The following SEMA6D variants were observed in gnomAD, a reference collection of about 807,000 sequenced individuals.
SEMA6D encodes semaphorin 6D.
In SEMA6D, 35 loss-of-function variants were observed where a neutral mutation model predicts 106.6. The observed-to-expected ratio is 0.33, with a 90% CI of 0.25 to 0.44. The LOEUF (loss-of-function observed/expected upper bound fraction) is 0.44. Among genes scored for constraint, SEMA6D ranks in the 20% least tolerant of loss-of-function variants. SEMA6D has a pLI of 1.00. For synonymous variants in SEMA6D, 499 were observed against 487.7 expected, an observed-to-expected ratio of 1.02 and a Z score of -0.31; for missense variants, 1,185 against 1,345.9, an observed-to-expected ratio of 0.88 and a Z score of 1.87.
At chr15:47,707,242 A>G (rs2078929895) in intron 4 of SEMA6D, among the ~76,000 whole-genome samples, 1 of 152,204 alleles carries the variant, frequency 6.6e-6, no homozygotes, top group South Asian at 2.1e-4. Context: ...ACACTTTAGC[A>G]GCAAATCTTG....
At chr15:47,417,830 T>G (rs961509441) in intron 2 of SEMA6D, among the ~76,000 whole-genome samples, 32 of 152,102 alleles carry the variant, frequency 2.1e-4, no homozygotes, top group African/African-American at 7.7e-4. Flanking sequence ...CATCCATTTT[T>G]TTTTTTGCAA....
At chr15:47,607,842 A>G (rs2076814038) in intron 4 of SEMA6D, among the ~76,000 whole-genome samples, 2 of 152,240 alleles carry the variant, frequency 1.3e-5, no homozygotes, top group South Asian at 4.1e-4. Flanking sequence ...AAGATAAGTG[A>G]TAATTCTGCA....
At chr15:47,482,963 A>G (rs1169735138) in intron 3 of SEMA6D, among the ~76,000 whole-genome samples, 1 of 152,172 alleles carries the variant, frequency 6.6e-6, no homozygotes, top group African/African-American at 2.4e-5. Context: ...TATCAGTGAA[A>G]AAAGTAGATA....
At chr15:47,462,099 A>G (rs2042531245) in intron 2 of SEMA6D, among the ~76,000 whole-genome samples, 1 of 152,054 alleles carries the variant, frequency 6.6e-6, no homozygotes, top group Non-Finnish European at 1.5e-5. Context: ...GAGTTTTTCC[A>G]GACCACGCCA....
At chr15:47,336,688 A>G (rs1030923424) in intron 1 of SEMA6D, among the ~76,000 whole-genome samples, 18 of 152,122 alleles carry the variant, frequency 1.2e-4, no homozygotes, top group Non-Finnish European at 2.4e-4. Flanking sequence ...GGAGTGTGCT[A>G]CCTGGAGGAT....
chr15:47,292,909 T>G (rs2142864835), intron 1 of SEMA6D, among the ~76,000 whole-genome samples: 1 of 152,312 alleles, frequency 6.6e-6, no homozygotes, highest in East Asian at 1.9e-4. Flanking sequence ...TGCTTGGCAG[T>G]CTTTGCATCC....
At chr15:47,672,503 C>A (rs2078157221) in intron 4 of SEMA6D, among the ~76,000 whole-genome samples, 1 of 152,076 alleles carries the variant, frequency 6.6e-6, no homozygotes, top group Non-Finnish European at 1.5e-5. Context: ...AGGGTTATAT[C>A]CTCAATTTTA....
chr15:47,505,690 C>T (rs770370493), intron 3 of SEMA6D, among the ~76,000 whole-genome samples: 3 of 152,090 alleles, frequency 2.0e-5, no homozygotes, highest in Non-Finnish European at 4.4e-5. Context: ...ACATATACCA[C>T]ATGTGTACAT....
chr15:47,347,042 G>C (rs900890095), intron 1 of SEMA6D, among the ~76,000 whole-genome samples: 9 of 151,998 alleles, frequency 5.9e-5, no homozygotes, highest in African/African-American at 2.2e-4. Context: ...CCAAGTAGCT[G>C]CGATTACAGG....
intron 1 of SEMA6D, among the ~76,000 whole-genome samples, chr15:47,191,858 G>A (rs1005526805): frequency 2.6e-5 from 4 of 152,122 alleles, no homozygotes; most frequent in African/African-American, 9.7e-5. Flanking sequence ...CTCTGTTATA[G>A]AGTTGCTGGA....
intron 3 of SEMA6D, among the ~76,000 whole-genome samples, chr15:47,550,395 C>A (rs1174164348): frequency 6.6e-6 from 1 of 152,128 alleles, no homozygotes. Context: ...TCATTTACTT[C>A]TTTCTATTAA....
At chr15:47,381,771 A>G (rs1456658894) in intron 1 of SEMA6D, among the ~76,000 whole-genome samples, 7 of 152,188 alleles carry the variant, frequency 4.6e-5, no homozygotes, top group South Asian at 4.1e-4. Context: ...TGAGTTTTAA[A>G]CTGTAACATT....
intron 4 of SEMA6D, among the ~76,000 whole-genome samples, chr15:47,704,064 C>T (rs1488471865): frequency 2.0e-5 from 3 of 152,076 alleles, no homozygotes; most frequent in Non-Finnish European, 4.4e-5. Context: ...CCTCATTTTG[C>T]TTTTGTTTTT....
intron 3 of SEMA6D, among the ~76,000 whole-genome samples, chr15:47,575,053 A>T (rs2076132779): frequency 6.6e-6 from 1 of 152,206 alleles, no homozygotes; most frequent in Non-Finnish European, 1.5e-5. Flanking sequence ...GGTGTTTGTT[A>T]AGTTAGACCT....
At chr15:47,490,226 C>A (rs962543226) in intron 3 of SEMA6D, among the ~76,000 whole-genome samples, 1 of 152,162 alleles carries the variant, frequency 6.6e-6, no homozygotes, top group Non-Finnish European at 1.5e-5. Context: ...CCTGGAGTAA[C>A]CCATACACAT....
At chr15:47,292,806 T>C (rs1342688715) in intron 1 of SEMA6D, among the ~76,000 whole-genome samples, 2 of 152,058 alleles carry the variant, frequency 1.3e-5, no homozygotes, top group Non-Finnish European at 2.9e-5. Flanking sequence ...ATGGAGAAAA[T>C]ATTTATCATT....
At position 47,215,762 on chromosome 15, in the gene SEMA6D, A is replaced by G. The variant is rs138434054; in HGVS notation, c.-239+31344A>G. Among the ~76,000 whole-genome samples the G allele has an allele frequency of 8.5e-4, 129 of 152,280 alleles. 1 individual carries two copies. Among genetic ancestry groups the G allele is most frequent in the Admixed American group, 7.8e-3 (119 of 15,276 alleles). ...TATTCTAAACAAATCTTGCTCACCT[A>G]TAGAACACTTGATAATATTATAGAT... On this transcript the variant is annotated intron_variant, in intron 1 of 19. Transcript: ENST00000558014.
At chr15:47,765,333 G>C in intron 13 of SEMA6D, 1 of 1,207,148 alleles carries the variant, frequency 8.3e-7, no homozygotes, top group Non-Finnish European at 1.0e-6. Context: ...TTATCTTGCA[G>C]ATATATTCCA....
chr15:47,259,509 C>G (rs1039207472), intron 1 of SEMA6D, among the ~76,000 whole-genome samples: 1 of 150,018 alleles, frequency 6.7e-6, no homozygotes, highest in African/African-American at 2.5e-5. Context: ...CCACTTTCTT[C>G]TGGCCTCTCT....
Sources: gnomAD v4.1 joint callset for allele counts (sites outside exome capture counted in the v4.1 genomes callset) on GRCh38, gnomAD v4.1.1 for gene constraint, MANE v1.5 for transcripts, NCBI Gene and HGNC (gene_info 2026-07-23, HGNC 2026-07-21) for gene names.